MIPOL1: variants seen among roughly 807,000 people sequenced by gnomAD.
MIPOL1 encodes the protein mirror-image polydactyly gene 1 protein.
In MIPOL1, 57 loss-of-function variants were observed where a neutral mutation model predicts 60.9. That is an observed-to-expected ratio of 0.94 (90% confidence interval 0.76 to 1.17). The LOEUF is 1.17. Ranked by LOEUF, MIPOL1 falls within the 50% of genes most tolerant of loss-of-function variation. MIPOL1 has a pLI of 0.00. For missense variants in MIPOL1, 551 were observed against 511.6 expected, an observed-to-expected ratio of 1.08 and a Z score of -0.74; for synonymous variants, 179 against 168.8, an observed-to-expected ratio of 1.06 and a Z score of -0.47.
intron 12 of MIPOL1, among the ~76,000 whole-genome samples, chr14:37,519,655 A>G (rs2095397712): frequency 6.6e-6 from 1 of 152,106 alleles, no homozygotes; most frequent in South Asian, 2.1e-4. Context: ...GATGAAAAAG[A>G]CACTGTTACA....
At position 37,466,007 on chromosome 14, in the gene MIPOL1, G is replaced by A. The variant is rs139928519; in HGVS notation, c.1032-33901G>A. 5.1e-3 allele frequency among the ~76,000 whole-genome samples: 773 copies of A among 152,170 alleles called. 5 individuals carry two copies. The highest frequency in any genetic ancestry group is 0.017 in the African/African-American group (726 of 41,510). On this transcript the variant is annotated intron_variant, in intron 11 of 12. Coordinates refer to ENST00000684589, the MANE Select transcript of MIPOL1 (RefSeq NM_001388067.1). ...GGAGTTAAATTAGATAAAACAAGGG[G>A]CTCAACAGATAATTTAAAAAGTCAA...
intron 9 of MIPOL1, among the ~76,000 whole-genome samples, chr14:37,358,525 C>T (rs1295582306): frequency 6.6e-6 from 1 of 152,162 alleles, no homozygotes; most frequent in Non-Finnish European, 1.5e-5. Flanking sequence ...TAATCATTGC[C>T]ATTCTAACTG....
At position 37,549,985 on chromosome 14, in the gene MIPOL1, A is replaced by G. The variant is rs1368330863; in HGVS notation, c.*3014A>G. On this transcript the variant is annotated 3_prime_UTR_variant, in exon 13 of 13. Coordinates refer to ENST00000684589, the MANE Select transcript of MIPOL1 (RefSeq NM_001388067.1). The stretch of plus-strand genomic sequence containing the variant: ...TTTAGAGCTAAAACCAGTAATAAGC[A>G]AAGTTATTGGTTATAAGCAAGGTAT... The G allele has an allele frequency of 2.6e-5, 4 of 151,990 alleles. No homozygotes were observed. The highest frequency in any genetic ancestry group is 9.6e-5 in the African/African-American group (4 of 41,462). The allele number at this position is 151,990 out of a possible 1,614,324, so 9.4% of individuals were successfully genotyped here. A position where few individuals can be genotyped will look rare whatever the true frequency, so the allele number is the denominator to read the frequency against.
intron 11 of MIPOL1, among the ~76,000 whole-genome samples, chr14:37,440,996 A>G (rs767423974): frequency 7.2e-5 from 11 of 152,124 alleles, no homozygotes; most frequent in Non-Finnish European, 8.8e-5. Context: ...TTTAATTTGC[A>G]TTTCTCTGAT....
chr14:37,432,779 G>T (rs573381686), intron 11 of MIPOL1, among the ~76,000 whole-genome samples: 3 of 151,890 alleles, frequency 2.0e-5, no homozygotes, highest in Non-Finnish European at 4.4e-5. Flanking sequence ...AATATTTTCC[G>T]TGGTTGCTTT....
rs1228541193 is a variant in MIPOL1 at position 37,521,905 on chromosome 14, T to C, written c.1262+21767T>C. ...CTAAAGAAAAAAAAATATATATATA[T>C]ATATATTTTTTTTTTCTTTGGCTTC... On this transcript the variant is annotated intron_variant, in intron 12 of 12. Coordinates refer to ENST00000684589, the MANE Select transcript of MIPOL1 (RefSeq NM_001388067.1). Among the ~76,000 whole-genome samples, 4 of 19,518 alleles carry C rather than the reference T, an allele frequency of 2.0e-4. No individual in the cohort carries two copies. In the Admixed American group the frequency reaches 2.8e-3, roughly 14 times the overall value. 12.8% of individuals were successfully genotyped at this position (19,518 alleles called of 152,430 possible). A position where few individuals can be genotyped will look rare whatever the true frequency, so the allele number is the denominator to read the frequency against.
rs1198154749 is a variant in MIPOL1 at position 37,487,792 on chromosome 14, A to T, written c.1032-12116A>T. ...ATCTTTTCAAAAAACCAGCTCCTGG[A>T]TTCATTGATTTTTTGAAGGGCTTTC... On this transcript the variant is annotated intron_variant, in intron 11 of 12. Coordinates refer to ENST00000684589, the MANE Select transcript of MIPOL1 (RefSeq NM_001388067.1). 2.6e-5 allele frequency among the ~76,000 whole-genome samples: 4 copies of T among 151,976 alleles called. No homozygotes were observed. The East Asian group carries it at 7.7e-4, about 29-fold the overall frequency.
chr14:37,242,285 A>G (rs1408627247), intron 1 of MIPOL1, among the ~76,000 whole-genome samples: 1 of 152,016 alleles, frequency 6.6e-6, no homozygotes, highest in Non-Finnish European at 1.5e-5. Context: ...CTTTCTTCAG[A>G]CTAACCACTG....
At chr14:37,297,111 T>C (rs1414565556) in intron 7 of MIPOL1, among the ~76,000 whole-genome samples, 3 of 152,174 alleles carry the variant, frequency 2.0e-5, no homozygotes, top group Admixed American at 2.0e-4. Flanking sequence ...TCCACCATGA[T>C]CAAGTGGGCT....
At chr14:37,449,931 G>A (rs146228175) in intron 11 of MIPOL1, among the ~76,000 whole-genome samples, 2 of 152,134 alleles carry the variant, frequency 1.3e-5, no homozygotes, top group African/African-American at 4.8e-5. Flanking sequence ...TCCTGCCTCA[G>A]CCTTTCGAGT....
intron 11 of MIPOL1, among the ~76,000 whole-genome samples, chr14:37,490,190 C>T (rs533537103): frequency 2.0e-5 from 3 of 152,284 alleles, no homozygotes; most frequent in Non-Finnish European, 4.4e-5. Context: ...GCCACAGTGG[C>T]CTTGCTGAGC....
chr14:37,360,655 G>T (rs1265907611), intron 9 of MIPOL1, among the ~76,000 whole-genome samples: 1 of 152,064 alleles, frequency 6.6e-6, no homozygotes, highest in East Asian at 1.9e-4. Flanking sequence ...TGTGGGATCG[G>T]TGGTGATATC....
intron 9 of MIPOL1, among the ~76,000 whole-genome samples, chr14:37,333,159 G>A (rs780397870): frequency 4.6e-5 from 7 of 152,000 alleles, no homozygotes; most frequent in Non-Finnish European, 1.0e-4. Flanking sequence ...AAATGGTTCC[G>A]TGTGTAATCT....
intron 12 of MIPOL1, among the ~76,000 whole-genome samples, chr14:37,514,940 T>A (rs560368624): frequency 2.0e-5 from 3 of 152,336 alleles, no homozygotes; most frequent in East Asian, 1.9e-4. Flanking sequence ...AGAAACTCAA[T>A]TGAACCCAAG....
chr14:37,425,175 G>A (rs925217893), intron 11 of MIPOL1, among the ~76,000 whole-genome samples: 2 of 152,116 alleles, frequency 1.3e-5, no homozygotes, highest in African/African-American at 2.4e-5. Context: ...AACATTTATG[G>A]GACAAGACAG....
intron 6 of MIPOL1, chr14:37,278,793 G>T (rs1048804355): frequency 1.3e-5 from 2 of 151,726 alleles, no homozygotes; most frequent in Non-Finnish European, 3.0e-5. Context: ...GAAAAGTGTG[G>T]AATATGGATT....
intron 11 of MIPOL1, among the ~76,000 whole-genome samples, chr14:37,481,618 C>T (rs546451701): frequency 1.0e-4 from 14 of 135,914 alleles, no homozygotes; most frequent in African/African-American, 3.9e-4. Flanking sequence ...CACACCGAAA[C>T]CACATAGCCA....
intron 10 of MIPOL1, among the ~76,000 whole-genome samples, chr14:37,393,129 G>A (rs2093289530): frequency 6.6e-6 from 1 of 152,066 alleles, no homozygotes; most frequent in Non-Finnish European, 1.5e-5. Context: ...GAATGTGAAA[G>A]ATTGATGGCA....
Position 37,397,947 on chromosome 14 carries a change from C to T in MIPOL1, c.937-24908C>T, listed in dbSNP as rs143609408. On this transcript the variant is annotated intron_variant, in intron 10 of 12. Coordinates refer to ENST00000684589, the MANE Select transcript of MIPOL1 (RefSeq NM_001388067.1). The stretch of plus-strand genomic sequence containing the variant: ...TTGGTTCTTCCCCAACCTGTGGAGT[C>T]TGCACATTGAATTCATGCCCTCCTG... Among the ~76,000 whole-genome samples the T allele has an allele frequency of 1.9e-3, 291 of 152,290 alleles. 1 individual carries two copies. The highest frequency in any genetic ancestry group is 6.7e-3 in the African/African-American group (278 of 41,560).
Sources: gnomAD v4.1 joint callset for allele counts (sites outside exome capture counted in the v4.1 genomes callset) on GRCh38, gnomAD v4.1.1 for gene constraint, MANE v1.5 for transcripts, NCBI Gene and HGNC (gene_info 2026-07-23, HGNC 2026-07-21) for gene names.